Variants in AGAP1 observed in about 807,000 individuals in gnomAD.
The protein encoded by AGAP1 is ArfGAP with GTPase domain, ankyrin repeat and PH domain 1, also known as arf-GAP with GTPase, ANK repeat and PH domain-containing protein 1.
In AGAP1, 29 loss-of-function variants were observed where a neutral mutation model predicts 105.3. That is an observed-to-expected ratio of 0.28 (90% confidence interval 0.21 to 0.38). The LOEUF is 0.38. AGAP1 is among the 10% of genes least tolerant of loss of function. The pLI is 1.00. For synonymous variants in AGAP1, 509 were observed against 485.9 expected (o/e 1.05, Z -0.63); for missense variants, 998 against 1,165.1 (o/e 0.86, Z 2.09).
chr2:235,842,049 C>T lies in AGAP1; in HGVS notation c.1050+34718C>T, dbSNP rs111841449. 2.4e-3 allele frequency among the ~76,000 whole-genome samples: 372 copies of T among 152,234 alleles called. No homozygotes were observed. Among genetic ancestry groups the T allele is most frequent in the African/African-American group, 8.5e-3 (355 of 41,548 alleles). Reference sequence around the variant, plus strand: ...TAAGGTTTTCACCTGCTGCTTCCTGCGGGATGTCGCTCATGTGGAGGAGGG... The same window carrying T: ...TAAGGTTTTCACCTGCTGCTTCCTGTGGGATGTCGCTCATGTGGAGGAGGG... On this transcript the variant is annotated intron_variant, in intron 9 of 17. Transcript: ENST00000304032. This position sits in a 1 kb window ranked among gnomAD's most constrained non-coding sequence, Gnocchi z 5.3.
chr2:235,953,016 G>T lies in AGAP1; in HGVS notation c.1484-15446G>T, dbSNP rs900482893. Among the ~76,000 whole-genome samples, 1 of 152,180 alleles carries T rather than the reference G, an allele frequency of 6.6e-6. No individual in the cohort carries two copies. Among genetic ancestry groups the T allele is most frequent in the Non-Finnish European group, 1.5e-5 (1 of 68,042 alleles). Reference sequence around the variant, plus strand: ...GGACCCATACAGCCTCTTTCAAGTGGCTGGGCCTTCTGTACGAGGCACCTG... The same window carrying T: ...GGACCCATACAGCCTCTTTCAAGTGTCTGGGCCTTCTGTACGAGGCACCTG... On this transcript the variant is annotated intron_variant, in intron 12 of 17. Transcript: ENST00000304032. This position sits in a 1 kb window ranked among gnomAD's most constrained non-coding sequence, Gnocchi z 5.2.
chr2:235,601,899 G>A lies in AGAP1; in HGVS notation c.163+107050G>A, dbSNP rs1398022376. On this transcript the variant is annotated intron_variant, in intron 1 of 17. Transcript: ENST00000304032. The surrounding 1 kb of genome is among the most constrained non-coding windows in gnomAD (Gnocchi z 4.4). The stretch of plus-strand genomic sequence containing the variant: ...CCACCACATCACCCAGGTCACTGCA[G>A]TAACCTCTTAGCGGGCCTCCGTGCC... Among the ~76,000 whole-genome samples the A allele has an allele frequency of 6.6e-6, 1 of 152,184 alleles. No homozygotes were observed. Among genetic ancestry groups the A allele is most frequent in the African/African-American group, 2.4e-5 (1 of 41,444 alleles).
At chr2:235,945,029 A>T (rs1345227929) in intron 12 of AGAP1, among the ~76,000 whole-genome samples, 1 of 152,252 alleles carries the variant, frequency 6.6e-6, no homozygotes, top group East Asian at 1.9e-4. Context: ...AATTTTTTAA[A>T]AAAGAAATTA....
At chr2:235,508,507 G>A (rs1329499459) in intron 1 of AGAP1, among the ~76,000 whole-genome samples, 1 of 152,120 alleles carries the variant, frequency 6.6e-6, no homozygotes, top group Non-Finnish European at 1.5e-5. Flanking sequence ...AACAGCTGTT[G>A]GTTCACTTTT....
At chr2:235,812,154 T>A (rs973406344) in intron 9 of AGAP1, among the ~76,000 whole-genome samples, 2 of 152,038 alleles carry the variant, frequency 1.3e-5, no homozygotes, top group Admixed American at 6.5e-5. Context: ...AGGAGCAACA[T>A]CCCTCAAAAA....
chr2:235,812,835 C>T (rs1465118551), intron 9 of AGAP1, among the ~76,000 whole-genome samples: 1 of 152,214 alleles, frequency 6.6e-6, no homozygotes, highest in African/African-American at 2.4e-5. Context: ...GCCCGCCGAG[C>T]GTACGATGTC....
Position 236,101,842 on chromosome 2 carries a change from T to C in AGAP1, c.2115-18350T>C, listed in dbSNP as rs928939077. On this transcript the variant is annotated intron_variant, in intron 16 of 17. Coordinates refer to ENST00000304032, the MANE Select transcript of AGAP1 (RefSeq NM_001037131.3). This position sits in a 1 kb window ranked among gnomAD's most constrained non-coding sequence, Gnocchi z 4.9. The stretch of plus-strand genomic sequence containing the variant: ...CACTGGGTACACATTTATCGGGATT[T>C]ATGCTTTAAAACAGTAGTTCACATT... Among the ~76,000 whole-genome samples, 1 of 152,228 alleles carries C rather than the reference T, an allele frequency of 6.6e-6. No individual in the cohort carries two copies. The highest frequency in any genetic ancestry group is 6.5e-5 in the Admixed American group (1 of 15,282).
intron 1 of AGAP1, among the ~76,000 whole-genome samples, chr2:235,510,405 T>C (rs994390567): frequency 6.6e-6 from 1 of 152,232 alleles, no homozygotes; most frequent in African/African-American, 2.4e-5. Flanking sequence ...TGCTGAGTAA[T>C]GTTCCATTGT....
Position 235,511,010 on chromosome 2 carries a change from T to C in AGAP1, c.163+16161T>C, listed in dbSNP as rs560586692. Reference sequence around the variant, plus strand: ...TGGGTGGGGGGGCGGGGGGCGGCGGTGTATGGCGTGCAAGCATTGTAGCCC... The same window carrying C: ...TGGGTGGGGGGGCGGGGGGCGGCGGCGTATGGCGTGCAAGCATTGTAGCCC... On this transcript the variant is annotated intron_variant, in intron 1 of 17. Coordinates refer to ENST00000304032, the MANE Select transcript of AGAP1 (RefSeq NM_001037131.3). 1.2e-4 allele frequency among the ~76,000 whole-genome samples: 18 copies of C among 151,190 alleles called. No individual in the cohort carries two copies. In the East Asian group the frequency reaches 3.5e-3, roughly 30 times the overall value.
At chr2:235,597,802 G>A (rs1320701143) in intron 1 of AGAP1, among the ~76,000 whole-genome samples, 4 of 94,644 alleles carry the variant, frequency 4.2e-5, no homozygotes, top group African/African-American at 7.8e-5. Flanking sequence ...TTTGTGTGGA[G>A]CGTGCACGCG....
At position 235,750,604 on chromosome 2, in the gene AGAP1, T is replaced by C. The variant is rs1001130472; in HGVS notation, c.673+116T>C. On this transcript the variant is annotated intron_variant, in intron 6 of 17. Coordinates refer to ENST00000304032, the MANE Select transcript of AGAP1 (RefSeq NM_001037131.3). This position sits in a 1 kb window ranked among gnomAD's most constrained non-coding sequence, Gnocchi z 5.3. ...GTGGTGGAAATATGTCGTTGATGGG[T>C]GGGCATTAGTATCGAGAGCAGTCCA... 18 of 1,465,848 alleles carry C rather than the reference T, an allele frequency of 1.2e-5. No individual in the cohort carries two copies. The African/African-American group carries it at 1.9e-4, about 16-fold the overall frequency. The allele number at this position is 1,465,848 out of a possible 1,614,324, so 90.8% of individuals were successfully genotyped here. A position where few individuals can be genotyped will look rare whatever the true frequency, so the allele number is the denominator to read the frequency against.
At position 235,714,783 on chromosome 2, in the gene AGAP1, GTTTTC is replaced by G. The variant is rs971270897; in HGVS notation, c.223-2769_223-2765del. On this transcript the variant is annotated intron_variant, in intron 2 of 17. Coordinates refer to ENST00000304032, the MANE Select transcript of AGAP1 (RefSeq NM_001037131.3). The surrounding 1 kb of genome is among the most constrained non-coding windows in gnomAD (Gnocchi z 4.1). The stretch of plus-strand genomic sequence containing the variant: ...AATTTGTTCTCTTATATGTTTGTTT[GTTTTC>G]TTTTTTGTTGTTGTTTTTGTTTTGT... Among the ~76,000 whole-genome samples the G allele has an allele frequency of 1.3e-5, 2 of 151,996 alleles. No individual in the cohort carries two copies. Among genetic ancestry groups the G allele is most frequent in the Admixed American group, 1.3e-4 (2 of 15,272 alleles).
chr2:235,618,174 C>T (rs1264626979), intron 1 of AGAP1, among the ~76,000 whole-genome samples: 1 of 152,040 alleles, frequency 6.6e-6, no homozygotes, highest in African/African-American at 2.4e-5. Flanking sequence ...GATGTGTAAC[C>T]CATGATATCC....
chr2:235,856,546 G>A (rs1029940699), intron 9 of AGAP1, among the ~76,000 whole-genome samples: 4 of 152,228 alleles, frequency 2.6e-5, no homozygotes, highest in East Asian at 3.9e-4. Context: ...GACTCAAACC[G>A]AAGGTCCGTT....
chr2:235,732,231 A>G lies in AGAP1; in HGVS notation c.311-8732A>G, dbSNP rs950394252. Among the ~76,000 whole-genome samples the G allele has an allele frequency of 1.3e-5, 2 of 152,164 alleles. No homozygotes were observed. Among genetic ancestry groups the G allele is most frequent in the Admixed American group, 6.5e-5 (1 of 15,274 alleles). On this transcript the variant is annotated intron_variant, in intron 3 of 17. Coordinates refer to ENST00000304032, the MANE Select transcript of AGAP1 (RefSeq NM_001037131.3). The surrounding 1 kb of genome is among the most constrained non-coding windows in gnomAD (Gnocchi z 4.8). ...TCCTTTTGTTTAGGTCCGTTTGTCA[A>G]TGAACTTCTCTCTTAAATACTTTAC...
At chr2:235,673,219 C>T (rs1559333532) in intron 1 of AGAP1, among the ~76,000 whole-genome samples, 1 of 152,202 alleles carries the variant, frequency 6.6e-6, no homozygotes, top group African/African-American at 2.4e-5. Flanking sequence ...GTCACAACTT[C>T]TCATTTTATT....
Position 235,927,371 on chromosome 2 carries a change from C to T in AGAP1, c.1325-3394C>T, listed in dbSNP as rs1261141678. 6.6e-6 allele frequency among the ~76,000 whole-genome samples: 1 copy of T among 152,158 alleles called. No homozygotes were observed. The highest frequency in any genetic ancestry group is 1.5e-5 in the Non-Finnish European group (1 of 68,028). ...GAGCCACACCCTCAGAGCTGCTGCA[C>T]CAGCATCTCAGTGGATTGGACTTGT... On this transcript the variant is annotated intron_variant, in intron 11 of 17. Coordinates refer to ENST00000304032, the MANE Select transcript of AGAP1 (RefSeq NM_001037131.3). The surrounding 1 kb of genome is among the most constrained non-coding windows in gnomAD (Gnocchi z 4.4).
chr2:235,585,377 TG>T (rs1346504569), intron 1 of AGAP1, among the ~76,000 whole-genome samples: 13 of 152,322 alleles, frequency 8.5e-5, no homozygotes, highest in African/African-American at 2.9e-4. Context: ...CCTGACCTCC[TG>T]GAAGGACCCT....
chr2:235,538,777 A>T (rs1265283717), intron 1 of AGAP1, among the ~76,000 whole-genome samples: 1 of 152,156 alleles, frequency 6.6e-6, no homozygotes, highest in Non-Finnish European at 1.5e-5. Flanking sequence ...GTTGTCCAAG[A>T]TAGGATTTAG....
Sources: allele counts gnomAD v4.1 joint callset (sites outside exome capture counted in the v4.1 genomes callset), GRCh38; gene constraint gnomAD v4.1.1; non-coding constraint Gnocchi (gnomAD v3.1); transcripts MANE v1.5; gene names NCBI Gene and HGNC (gene_info 2026-07-23, HGNC 2026-07-21).